Variants in AFDN observed in about 807,000 individuals in gnomAD.
AFDN encodes the protein afadin, adherens junction formation factor.
A neutral mutation model predicts 216.6 loss-of-function variants in AFDN; 68 were observed. That is an observed-to-expected ratio of 0.31 (90% confidence interval 0.26 to 0.38). The LOEUF (loss-of-function observed/expected upper bound fraction) is 0.38. Ranked by LOEUF, AFDN falls within the 10% of genes least tolerant of loss-of-function variation. The pLI, the probability that AFDN is intolerant of heterozygous loss-of-function variation, is 1.00. For synonymous variants in AFDN, 868 were observed against 853.7 expected (o/e 1.02, Z -0.29); for missense variants, 2,136 against 2,342.0 (o/e 0.91, Z 1.82).
rs560783190 is a variant in AFDN, at chr6:167,886,656, G to GT, written c.898-2553dup. On this transcript the variant is annotated intron_variant, in intron 6 of 33. Transcript: ENST00000683244. ...ATAATTAAGTCCATGGATATGATGG[G>GT]TTTTTTAAGTGGTCCGTATACTTAG... is the stretch of plus-strand genomic sequence containing the variant. Among the ~76,000 whole-genome samples the GT allele has an allele frequency of 3.9e-5, 6 of 152,256 alleles. No homozygotes were observed. The South Asian group carries it at 1.0e-3, about 26-fold the overall frequency.
In AFDN at chr6:167,951,589, C is replaced by T. The variant is rs1397558222; in HGVS notation, c.4235C>T (p.Ala1412Val). The change falls in exon 30 of 34, where the codon GCT becomes GTT. Residue 1412 changes from alanine (A) to valine (V), a missense_variant. By Grantham distance (64) the Ala-to-Val change is moderately conservative. Around this residue, in one of 8 missense-constraint regions of AFDN, gnomAD observed 981 missense variants for 966.0 expected, o/e 1.02. Coordinates refer to ENST00000683244, the MANE Select transcript of AFDN (RefSeq NM_001386888.1). The surrounding 1 kb of genome is among the most constrained non-coding windows in gnomAD (Gnocchi z 7.1). ...ATAGGGCTGCCGTCTGCGCAGGTGGCTGCTGCTGAACGGAGAAAGAGAGAA... is the reference window on the plus strand; with the variant it reads ...ATAGGGCTGCCGTCTGCGCAGGTGGTTGCTGCTGAACGGAGAAAGAGAGAA... The part of the protein sequence containing the change: ...NQIGLPSAQV[A>V]AAERRKREEH... The T allele has an allele frequency of 1.2e-6, 2 of 1,613,936 alleles. No homozygotes were observed. The highest frequency in any genetic ancestry group is 1.7e-6 in the Non-Finnish European group (2 of 1,180,006).
intron 30 of AFDN, among the ~76,000 whole-genome samples, chr6:167,959,186 A>T (rs572106355): frequency 6.6e-6 from 1 of 152,344 alleles, no homozygotes; most frequent in African/African-American, 2.4e-5. Flanking sequence ...GCTAAGCTCT[A>T]GATCTTACAA....
At chr6:167,920,438 A>G (rs1320504364) in intron 21 of AFDN, among the ~76,000 whole-genome samples, 2 of 152,310 alleles carry the variant, frequency 1.3e-5, no homozygotes, top group East Asian at 3.9e-4. Flanking sequence ...TATCCTTCCC[A>G]GTGTGCTGCA....
At position 167,896,900 on chromosome 6, in the gene AFDN, G is replaced by C. The variant is rs930187642; in HGVS notation, c.1245G>C (p.Lys415Asn). 6.2e-7 allele frequency: 1 copy of C among 1,613,224 alleles called. No individual in the cohort carries two copies. Residue 415 changes from lysine (K) to asparagine (N), a missense_variant, in exon 10 of 34, where the codon AAG (lysine) becomes AAC (asparagine). Lys to Asn is a moderately conservative substitution (Grantham distance 94). Around this residue, in one of 8 missense-constraint regions of AFDN, gnomAD observed 817 missense variants for 965.7 expected, o/e 0.85. Transcript: ENST00000683244. Reference sequence around the variant, plus strand: ...CAGATGGTTCTGACTCTAGAGATAAGCCAAAGCTTTACCGCCTTCAGTTAA... The same window carrying C: ...CAGATGGTTCTGACTCTAGAGATAACCCAAAGCTTTACCGCCTTCAGTTAA... ...TYEDGSDSRDKPKLYRLQLSV... is the reference protein window; with the variant it reads ...TYEDGSDSRDNPKLYRLQLSV...
chr6:167,902,260 C>A, intron 11 of AFDN, 57 bp from the exon 12 acceptor site: 1 of 1,262,890 alleles, frequency 7.9e-7, no homozygotes, highest in Non-Finnish European at 1.2e-6. Context: ...TAAGAAGAGA[C>A]TATGCCTGTC....
At chr6:167,938,053 G>A (rs1200866106) in intron 23 of AFDN, among the ~76,000 whole-genome samples, 1 of 152,158 alleles carries the variant, frequency 6.6e-6, no homozygotes, top group Non-Finnish European at 1.5e-5. Flanking sequence ...TGTAATGCAG[G>A]ACACAGTGAC....
At chr6:167,841,349 G>C (rs181418773) in intron 1 of AFDN, among the ~76,000 whole-genome samples, 2 of 152,126 alleles carry the variant, frequency 1.3e-5, no homozygotes, top group African/African-American at 4.8e-5. Flanking sequence ...TAGCCAAGGC[G>C]TAGAGGAGAC....
chr6:167,828,874 G>C (rs1024522843), intron 1 of AFDN, among the ~76,000 whole-genome samples: 2 of 147,976 alleles, frequency 1.4e-5, no homozygotes, highest in African/African-American at 5.0e-5. Context: ...AATTGAGTTA[G>C]CATTAAAAAA....
intron 23 of AFDN, among the ~76,000 whole-genome samples, chr6:167,926,752 C>A (rs762177943): frequency 2.4e-4 from 36 of 152,314 alleles, no homozygotes; most frequent in Non-Finnish European, 4.9e-4. Flanking sequence ...GCAGCTCACT[C>A]TGCTCATCTC....
chr6:167,918,477 C>T (rs201738294), intron 20 of AFDN, among the ~76,000 whole-genome samples: 116 of 152,166 alleles, frequency 7.6e-4, no homozygotes, highest in African/African-American at 2.7e-3. Flanking sequence ...TAAAGCTACA[C>T]GTTACTTAAA....
At chr6:167,900,596 G>A (rs1417454282) in intron 11 of AFDN, among the ~76,000 whole-genome samples, 3 of 152,192 alleles carry the variant, frequency 2.0e-5, no homozygotes, top group African/African-American at 7.2e-5. Context: ...GAAAGAGGTA[G>A]CTTTGGTGGG....
At position 167,952,315 on chromosome 6, in the gene AFDN, T is replaced by G. The variant is rs959093432; in HGVS notation, c.4833+128T>G. ...AAAGGGCCCCTAGGCTTATACTGTTTTATTGTATGTGTTACTCTTGGCTGA... is the reference window on the plus strand; with the variant it reads ...AAAGGGCCCCTAGGCTTATACTGTTGTATTGTATGTGTTACTCTTGGCTGA... On this transcript the variant is annotated intron_variant, in intron 30 of 33. Coordinates refer to ENST00000683244, the MANE Select transcript of AFDN (RefSeq NM_001386888.1). 4.6e-6 allele frequency: 7 copies of G among 1,535,598 alleles called. No homozygotes were observed. The Admixed American group carries it at 1.1e-4, about 23-fold the overall frequency.
At chr6:167,832,149 C>CT (rs1437618945) in intron 1 of AFDN, among the ~76,000 whole-genome samples, 2 of 152,224 alleles carry the variant, frequency 1.3e-5, no homozygotes, top group African/African-American at 4.8e-5. Context: ...TCAAATGTAT[C>CT]TGTCTGACCT....
intron 9 of AFDN, 75 bp from the exon 10 acceptor site, chr6:167,896,803 C>T (rs2128376321): frequency 1.1e-6 from 1 of 880,954 alleles, no homozygotes; most frequent in South Asian, 1.6e-5. Context: ...CTGAGATAAC[C>T]TTTTGTTTGT....
rs536575379 is a variant in AFDN at position 167,878,438 on chromosome 6, C to A, written c.740-1922C>A. Among the ~76,000 whole-genome samples, 130 of 151,942 alleles carry A rather than the reference C, an allele frequency of 8.6e-4. 1 individual carries two copies. Among genetic ancestry groups the A allele is most frequent in the Admixed American group, 4.0e-3 (61 of 15,274 alleles). On this transcript the variant is annotated intron_variant, in intron 5 of 33. Coordinates refer to ENST00000683244, the MANE Select transcript of AFDN (RefSeq NM_001386888.1). ...TGGAAAACACAGTTTAAATGGACTC[C>A]ACTCCTGTTGCTAATGTCCCTATCT...
In AFDN at chr6:167,966,112, G is replaced by T. The variant is rs572327735; in HGVS notation, c.5257+67G>T. ...CTTCTTCCTGCCCCTCTTAAACCAC[G>T]GCCACCCCCCTGCCAGCCACGCCCG... On this transcript the variant is annotated intron_variant, in intron 32 of 33. Transcript: ENST00000683244. The T allele has an allele frequency of 5.9e-6, 9 of 1,536,104 alleles. No homozygotes were observed. The South Asian group carries it at 1.1e-4, about 18-fold the overall frequency.
At chr6:167,966,331 T>G (rs967564547) in intron 32 of AFDN, 19 of 1,349,984 alleles carry the variant, frequency 1.4e-5, no homozygotes, top group Admixed American at 7.3e-5. Flanking sequence ...CCTCAGCATC[T>G]CTCTGCACAC....
intron 30 of AFDN, among the ~76,000 whole-genome samples, chr6:167,960,931 TTTTAA>T (rs1796973535): frequency 1.3e-5 from 2 of 152,202 alleles, no homozygotes; most frequent in African/African-American, 4.8e-5. Context: ...GAGAAGACAA[TTTTAA>T]TTTTTTTCTA....
intron 28 of AFDN, 62 bp downstream of exon 28, chr6:167,948,006 A>G (rs1168351084): frequency 8.0e-7 from 1 of 1,252,132 alleles, no homozygotes; most frequent in African/African-American, 1.5e-5. Flanking sequence ...TTCCCTTTGG[A>G]CATCTCAGTT....
Sources: gnomAD v4.1 joint callset for allele counts (sites outside exome capture counted in the v4.1 genomes callset) on GRCh38, gnomAD v4.1.1 for gene constraint, gnomAD v4.1.1 regional missense constraint, Gnocchi (gnomAD v3.1) non-coding constraint, MANE v1.5 for transcripts, NCBI Gene and HGNC (gene_info 2026-07-23, HGNC 2026-07-21) for gene names.